ASAP2: variants seen among roughly 807,000 people sequenced by gnomAD.
ASAP2 encodes the protein ArfGAP with SH3 domain, ankyrin repeat and PH domain 2.
ASAP2 carries 45 observed loss-of-function variants against 131.4 expected under a neutral mutation model. The ratio of observed to expected loss-of-function variants is 0.34; its 90% confidence interval spans 0.27 to 0.44. The LOEUF is 0.44. Ranked by LOEUF, ASAP2 falls within the 20% of genes least tolerant of loss-of-function variation. The pLI, the probability that ASAP2 is intolerant of heterozygous loss-of-function variation, is 1.00. For missense variants in ASAP2, 1,011 were observed against 1,297.0 expected, an observed-to-expected ratio of 0.78 and a Z score of 3.39; for synonymous variants, 510 against 503.0, an observed-to-expected ratio of 1.01 and a Z score of -0.19.
intron 18 of ASAP2, among the ~76,000 whole-genome samples, chr2:9,378,516 T>G (rs909908263): frequency 6.6e-6 from 1 of 152,214 alleles, no homozygotes; most frequent in African/African-American, 2.4e-5. Flanking sequence ...CGTCCTCCCG[T>G]GGGACAGGAT....
intron 9 of ASAP2, among the ~76,000 whole-genome samples, chr2:9,341,038 G>A (rs1010044328): frequency 1.3e-5 from 2 of 152,134 alleles, no homozygotes; most frequent in East Asian, 1.9e-4. Flanking sequence ...GGTTGTCTTC[G>A]TCTCTCTTAG....
chr2:9,293,264 A>G (rs991849005), intron 2 of ASAP2, among the ~76,000 whole-genome samples: 5 of 151,792 alleles, frequency 3.3e-5, no homozygotes, highest in Non-Finnish European at 7.4e-5. Flanking sequence ...GAGGTGGGGG[A>G]GATAAAGGGG....
intron 2 of ASAP2, among the ~76,000 whole-genome samples, chr2:9,294,891 A>AT (rs1188537801): frequency 6.6e-6 from 1 of 152,212 alleles, no homozygotes; most frequent in Non-Finnish European, 1.5e-5. Context: ...AAGCAGGACC[A>AT]TGGAGGTTGC....
rs948267141 is a variant in ASAP2, at chr2:9,277,566, A to G, written c.127-1751A>G. Among the ~76,000 whole-genome samples the G allele has an allele frequency of 2.0e-5, 3 of 152,292 alleles. No homozygotes were observed. In the East Asian group the frequency reaches 5.8e-4, roughly 29 times the overall value. On this transcript the variant is annotated intron_variant, in intron 1 of 27. Transcript: ENST00000281419. ...CTTTTTTATTTAAATAAACATTTTT[A>G]GTTTTAGGTTCACAACAAAATTGAA...
At chr2:9,261,625 CT>C in intron 1 of ASAP2, among the ~76,000 whole-genome samples, 1 of 152,370 alleles carries the variant, frequency 6.6e-6, no homozygotes, top group Non-Finnish European at 1.5e-5. Flanking sequence ...GTAGGCCTTT[CT>C]TTCCCTGGGA....
At chr2:9,321,638 C>T (rs757937798) in intron 5 of ASAP2, among the ~76,000 whole-genome samples, 3 of 152,124 alleles carry the variant, frequency 2.0e-5, no homozygotes, top group South Asian at 2.1e-4. Context: ...CCTTGCTGCC[C>T]GTCTCTGTGG....
chr2:9,298,471 T>C (rs1233764087), intron 3 of ASAP2, among the ~76,000 whole-genome samples: 1 of 152,176 alleles, frequency 6.6e-6, no homozygotes, highest in Non-Finnish European at 1.5e-5. Context: ...AAAAAACTGT[T>C]TCTCTGCTCG....
chr2:9,244,224 A>G (rs1436942435), intron 1 of ASAP2, among the ~76,000 whole-genome samples: 2 of 152,150 alleles, frequency 1.3e-5, no homozygotes, highest in Non-Finnish European at 2.9e-5. Flanking sequence ...TGAACCCGGG[A>G]GGTGGAGGTT....
At chr2:9,358,261 C>A (rs1398159570) in intron 14 of ASAP2, among the ~76,000 whole-genome samples, 3 of 152,240 alleles carry the variant, frequency 2.0e-5, no homozygotes, top group African/African-American at 7.2e-5. Flanking sequence ...GTTATTGCTA[C>A]TACCAGCATG....
chr2:9,300,047 C>T (rs1668384558), intron 3 of ASAP2, among the ~76,000 whole-genome samples: 1 of 152,176 alleles, frequency 6.6e-6, no homozygotes, highest in Non-Finnish European at 1.5e-5. Context: ...GCCTGGGCAA[C>T]ATGGGGAACC....
At chr2:9,391,036 G>C (rs552672398) in intron 22 of ASAP2, 26 bp from the exon 23 acceptor site, 5 of 1,613,998 alleles carry the variant, frequency 3.1e-6, no homozygotes, top group South Asian at 1.1e-5. Context: ...GCGTGCATGC[G>C]TCTGTGTGCA....
chr2:9,350,604 G>C, intron 11 of ASAP2: 1 of 475,546 alleles, frequency 2.1e-6, no homozygotes. Flanking sequence ...CCCTTGCAGG[G>C]AGGCAGTTGC....
chr2:9,372,345 T>G (rs556460788), intron 16 of ASAP2, among the ~76,000 whole-genome samples: 46 of 152,288 alleles, frequency 3.0e-4, no homozygotes, highest in African/African-American at 1.1e-3. Context: ...GGTCTTCCCT[T>G]GTAGGCCCAC....
intron 1 of ASAP2, among the ~76,000 whole-genome samples, chr2:9,259,007 C>T (rs1007081520): frequency 2.6e-5 from 4 of 152,268 alleles, no homozygotes; most frequent in African/African-American, 9.6e-5. Flanking sequence ...GCCTGCTCTT[C>T]GGCCTTTCTC....
intron 6 of ASAP2, among the ~76,000 whole-genome samples, chr2:9,324,690 A>G (rs918677351): frequency 2.6e-5 from 4 of 152,186 alleles, no homozygotes; most frequent in African/African-American, 9.6e-5. Context: ...CTACCACTCA[A>G]CACTGCTGCA....
At chr2:9,282,524 T>A (rs2148325944) in intron 2 of ASAP2, among the ~76,000 whole-genome samples, 1 of 152,318 alleles carries the variant, frequency 6.6e-6, no homozygotes, top group African/African-American at 2.4e-5. Flanking sequence ...CAGAAATAAG[T>A]CAGGCATATT....
intron 24 of ASAP2, among the ~76,000 whole-genome samples, chr2:9,396,514 C>T (rs1278111022): frequency 6.6e-6 from 1 of 152,116 alleles, no homozygotes; most frequent in South Asian, 2.1e-4. Flanking sequence ...TGGGCTCAAG[C>T]AGTCCTCCCA....
At chr2:9,326,015 G>T (rs1415436160) in intron 6 of ASAP2, among the ~76,000 whole-genome samples, 1 of 152,204 alleles carries the variant, frequency 6.6e-6, no homozygotes, top group Non-Finnish European at 1.5e-5. Context: ...CTTTCCATGG[G>T]TGAGAAAGAT....
intron 1 of ASAP2, among the ~76,000 whole-genome samples, chr2:9,233,928 C>T (rs369755685): frequency 5.9e-5 from 9 of 151,870 alleles, no homozygotes; most frequent in South Asian, 4.2e-4. Flanking sequence ...TTGGCCAACA[C>T]GGTGAAACCC....
Sources: gnomAD v4.1 joint callset for allele counts (sites outside exome capture counted in the v4.1 genomes callset) on GRCh38, gnomAD v4.1.1 for gene constraint, MANE v1.5 for transcripts, NCBI Gene and HGNC (gene_info 2026-07-23, HGNC 2026-07-21) for gene names.